Variants in DTD1 observed in about 807,000 individuals in gnomAD.
The protein encoded by DTD1 is D-aminoacyl-tRNA deacylase 1.
DTD1 carries 13 observed loss-of-function variants against 25.6 expected under a neutral mutation model. The ratio of observed to expected loss-of-function variants is 0.51; its 90% CI spans 0.33 to 0.81. DTD1 has a LOEUF of 0.81. Ranked by LOEUF, DTD1 falls within the 30% of genes least tolerant of loss-of-function variation. The pLI, the probability that DTD1 is intolerant of heterozygous loss-of-function variation, is 0.02. For missense variants in DTD1, 193 were observed against 266.4 expected (o/e 0.72, Z 1.92); for synonymous variants, 110 against 103.6 (o/e 1.06, Z -0.37).
At chr20:18,634,429 A>T (rs2060799810) in intron 4 of DTD1, among the ~76,000 whole-genome samples, 1 of 152,222 alleles carries the variant, frequency 6.6e-6, no homozygotes, top group Admixed American at 6.5e-5. Context: ...CGAAGCCCTC[A>T]TTAAATTGAA....
intron 4 of DTD1, among the ~76,000 whole-genome samples, chr20:18,689,452 CTTG>C (rs1237766779): frequency 3.9e-5 from 6 of 152,216 alleles, no homozygotes; most frequent in Non-Finnish European, 5.9e-5. Flanking sequence ...ACACCGGTTT[CTTG>C]TTGTTTTCAT....
In DTD1 at chr20:18,744,241, C is replaced by T; in HGVS notation, c.619C>T (p.Arg207Trp). The T allele has an allele frequency of 6.2e-7, 1 of 1,611,860 alleles. No individual in the cohort carries two copies. Among genetic ancestry groups the T allele is most frequent in the Non-Finnish European group, 8.5e-7 (1 of 1,179,940 alleles). ...SGAEGDVSSE[R>W]EP ...GGCTGAGGGCGACGTGTCCTCTGAA[C>T]GGGAGCCGTAGCTCAGGAGGCAGAA... is the stretch of plus-strand genomic sequence containing the variant. The change falls in exon 5 of 6, where the codon CGG becomes TGG. Residue 207 changes from arginine to tryptophan, a missense_variant. Arg to Trp is a moderately radical substitution (Grantham distance 101). Coordinates refer to ENST00000377452, the MANE Select transcript of DTD1 (RefSeq NM_080820.6).
intron 4 of DTD1, among the ~76,000 whole-genome samples, chr20:18,677,357 T>G (rs1188692776): frequency 6.6e-6 from 1 of 152,100 alleles, no homozygotes; most frequent in Non-Finnish European, 1.5e-5. Context: ...AGCTCTGAGT[T>G]ATGTAGGGAA....
intron 4 of DTD1, among the ~76,000 whole-genome samples, chr20:18,718,206 T>C (rs2061188988): frequency 6.6e-6 from 1 of 152,232 alleles, no homozygotes. Context: ...ATTAAAGATA[T>C]TTATTTTGGA....
intron 3 of DTD1, among the ~76,000 whole-genome samples, chr20:18,607,286 T>C (rs1181438960): frequency 1.3e-5 from 2 of 152,060 alleles, no homozygotes; most frequent in East Asian, 1.9e-4. Flanking sequence ...CTCAGCCTCC[T>C]GAGTAGCTGG....
At chr20:18,601,127 G>A (rs1303618211) in intron 3 of DTD1, among the ~76,000 whole-genome samples, 1 of 152,024 alleles carries the variant, frequency 6.6e-6, no homozygotes, top group Non-Finnish European at 1.5e-5. Context: ...TCTGCTCTTA[G>A]TGGGAAAGCT....
intron 4 of DTD1, among the ~76,000 whole-genome samples, chr20:18,640,957 A>G (rs1941327186): frequency 6.6e-6 from 1 of 152,048 alleles, no homozygotes; most frequent in South Asian, 2.1e-4. Context: ...TTTATCTTAC[A>G]AAACTGAAAC....
At chr20:18,625,278 C>T (rs6045518) in intron 3 of DTD1, among the ~76,000 whole-genome samples, 1 of 152,234 alleles carries the variant, frequency 6.6e-6, no homozygotes, top group Admixed American at 6.5e-5. Context: ...CTGCCAGGGC[C>T]TGAAGGGCCT....
chr20:18,658,827 G>A (rs2876501), intron 4 of DTD1, among the ~76,000 whole-genome samples: 1 of 152,178 alleles, frequency 6.6e-6, no homozygotes, highest in African/African-American at 2.4e-5. Context: ...CTTATGTAGG[G>A]GTGGGACACT....
chr20:18,665,257 G>C (rs1415854295), intron 4 of DTD1, among the ~76,000 whole-genome samples: 3 of 152,188 alleles, frequency 2.0e-5, no homozygotes, highest in Non-Finnish European at 4.4e-5. Context: ...GTTGTGCCCA[G>C]TGTCTGCTTC....
At chr20:18,667,584 G>T (rs920801419) in intron 4 of DTD1, among the ~76,000 whole-genome samples, 2 of 152,180 alleles carry the variant, frequency 1.3e-5, no homozygotes, top group Non-Finnish European at 2.9e-5. Context: ...GCATACAGCG[G>T]GTGTTTTTTT....
intron 2 of DTD1, 69 bp downstream of exon 2, chr20:18,593,890 A>C: frequency 7.9e-7 from 1 of 1,272,394 alleles, no homozygotes; most frequent in East Asian, 2.4e-5. Context: ...GAACTTCCAT[A>C]GTACTTTGTG....
intron 4 of DTD1, among the ~76,000 whole-genome samples, chr20:18,717,929 C>T (rs1472913314): frequency 6.6e-6 from 1 of 152,134 alleles, no homozygotes; most frequent in Non-Finnish European, 1.5e-5. Flanking sequence ...TGGTATTTAA[C>T]AGTCCAGGAT....
At chr20:18,600,127 A>G (rs996020301) in intron 3 of DTD1, among the ~76,000 whole-genome samples, 1 of 152,154 alleles carries the variant, frequency 6.6e-6, no homozygotes, top group South Asian at 2.1e-4. Flanking sequence ...TTAGCTTATC[A>G]ATTCTTATTT....
chr20:18,617,522 T>C (rs1402307612), intron 3 of DTD1, among the ~76,000 whole-genome samples: 1 of 151,924 alleles, frequency 6.6e-6, no homozygotes, highest in East Asian at 1.9e-4. Context: ...TTGTAGTAAG[T>C]TTTGAAATTG....
At chr20:18,628,574 A>G (rs922641395) in intron 4 of DTD1, among the ~76,000 whole-genome samples, 3 of 152,054 alleles carry the variant, frequency 2.0e-5, no homozygotes, top group African/African-American at 7.2e-5. Flanking sequence ...TGGCCGGTTC[A>G]CCCATTCCGA....
chr20:18,727,117 G>T (rs561201361), intron 4 of DTD1, among the ~76,000 whole-genome samples: 1 of 152,364 alleles, frequency 6.6e-6, no homozygotes, highest in African/African-American at 2.4e-5. Flanking sequence ...TAGTACCTGG[G>T]ACTTGGCCGC....
intron 4 of DTD1, among the ~76,000 whole-genome samples, chr20:18,700,018 G>T (rs193001232): frequency 3.3e-5 from 5 of 152,200 alleles, no homozygotes; most frequent in Admixed American, 3.3e-4. Flanking sequence ...TGTCCCACTG[G>T]GTCCAGAATC....
chr20:18,726,834 A>T (rs2061224076), intron 4 of DTD1, among the ~76,000 whole-genome samples: 2 of 152,144 alleles, frequency 1.3e-5, no homozygotes, highest in Non-Finnish European at 2.9e-5. Flanking sequence ...GACCCAGGAG[A>T]TGGGGACACA....
Sources: gnomAD v4.1 joint callset for allele counts (sites outside exome capture counted in the v4.1 genomes callset) on GRCh38, gnomAD v4.1.1 for gene constraint, MANE v1.5 for transcripts, NCBI Gene and HGNC (gene_info 2026-07-23, HGNC 2026-07-21) for gene names.